Variants in TXNDC16 observed in about 807,000 individuals in gnomAD.
TXNDC16 encodes thioredoxin domain containing 16, also known as thioredoxin domain-containing protein 16.
In TXNDC16, 74 loss-of-function variants were observed where a neutral mutation model predicts 85.6. The observed-to-expected ratio is 0.86, with a 90% CI of 0.72 to 1.05. The LOEUF is 1.05. TXNDC16 is among the 50% of genes least tolerant of loss of function. The pLI is 0.00. For missense variants in TXNDC16, 959 were observed against 947.0 expected, an observed-to-expected ratio of 1.01 and a Z score of -0.17; for synonymous variants, 335 against 326.5, an observed-to-expected ratio of 1.03 and a Z score of -0.28.
intron 8 of TXNDC16, among the ~76,000 whole-genome samples, 169 bp downstream of exon 8, chr14:52,514,711 A>G (rs1594746011): frequency 6.6e-6 from 1 of 152,172 alleles, no homozygotes. Context: ...AATACAGCAG[A>G]CTATAGTAAT....
chr14:52,507,180 A>C (rs1566567321), intron 9 of TXNDC16, among the ~76,000 whole-genome samples: 1 of 152,088 alleles, frequency 6.6e-6, no homozygotes, highest in Admixed American at 6.6e-5. Context: ...GTCTCAGCCC[A>C]AAATCTCCTT....
At chr14:52,525,932 C>G (rs1235103014) in intron 6 of TXNDC16, among the ~76,000 whole-genome samples, 1 of 151,846 alleles carries the variant, frequency 6.6e-6, no homozygotes, top group African/African-American at 2.4e-5. Context: ...CTCTAAATCA[C>G]TTACTTATCA....
chr14:52,493,148 AAAG>A (rs1434431249), intron 9 of TXNDC16, among the ~76,000 whole-genome samples: 1 of 150,486 alleles, frequency 6.6e-6, no homozygotes, highest in Non-Finnish European at 1.5e-5. Context: ...AAAAATTTAA[AAAG>A]AAGATTAGAG....
intron 12 of TXNDC16, among the ~76,000 whole-genome samples, chr14:52,485,624 ACCT>A (rs1192154907): frequency 6.6e-6 from 1 of 151,942 alleles, no homozygotes; most frequent in East Asian, 1.9e-4. Flanking sequence ...TTTTTATTGT[ACCT>A]CTTCTGTGTT....
At position 52,440,658 on chromosome 14, in the gene TXNDC16, T is replaced by C. The variant is rs776805307; in HGVS notation, c.1909A>G (p.Ser637Gly). Residue 637 changes from serine (S) to glycine (G), a missense_variant, in exon 19 of 21, where the codon AGT becomes GGT. By Grantham distance (56) the Ser-to-Gly change is moderately conservative. Transcript: ENST00000281741. ...TACTGAGGATTTACAGTGCCATCAC[T>C]GAACAAAATCAATAATGGTTTCTGA... is the stretch of plus-strand genomic sequence containing the variant. ...RLQKPLLILF[S>G]DGTVNPQYKK... 6.2e-7 allele frequency: 1 copy of C among 1,610,912 alleles called. No homozygotes were observed. Among genetic ancestry groups the C allele is most frequent in the Non-Finnish European group, 8.5e-7 (1 of 1,179,154 alleles).
At chr14:52,528,723 G>A (rs1332963213) in intron 6 of TXNDC16, among the ~76,000 whole-genome samples, 1 of 149,656 alleles carries the variant, frequency 6.7e-6, no homozygotes, top group Non-Finnish European at 1.5e-5. Flanking sequence ...AATAATAGTT[G>A]TAACTAGTTC....
At chr14:52,519,115 T>G (rs2037150117) in intron 7 of TXNDC16, 57 bp downstream of exon 7, 1 of 1,524,250 alleles carries the variant, frequency 6.6e-7, no homozygotes, top group Non-Finnish European at 8.9e-7. Context: ...TTTTAAGTAC[T>G]TCAACATACA....
Position 52,491,020 on chromosome 14 carries a change from A to AC in TXNDC16, c.757-16_757-15insG. 6.4e-7 allele frequency: 1 copy of AC among 1,565,216 alleles called. No individual in the cohort carries two copies. Among genetic ancestry groups the AC allele is most frequent in the Admixed American group, 2.2e-5 (1 of 45,808 alleles). ...GCAACTTCAGTCTTCATTGAAAAAA[A>AC]AAAAAAAAAAAGGTGTGATAACAAT... On this transcript the variant is annotated splice_polypyrimidine_tract_variant and intron_variant, in intron 9 of 20. Transcript: ENST00000281741.
intron 16 of TXNDC16, among the ~76,000 whole-genome samples, chr14:52,462,612 T>C (rs868502716): frequency 6.6e-6 from 1 of 152,204 alleles, no homozygotes; most frequent in African/African-American, 2.4e-5. Flanking sequence ...TGTGGAAATA[T>C]AAGCCACTGT....
At chr14:52,457,195 C>T in intron 16 of TXNDC16, 21 bp from the exon 17 acceptor site, 1 of 1,414,906 alleles carries the variant, frequency 7.1e-7, no homozygotes. Flanking sequence ...ATAGAGAAGA[C>T]AAAAATCTGA....
chr14:52,441,884 CTG>C (rs1204648986), intron 18 of TXNDC16, among the ~76,000 whole-genome samples: 2 of 152,104 alleles, frequency 1.3e-5, no homozygotes, highest in East Asian at 3.8e-4. Flanking sequence ...GCAGTAATGA[CTG>C]TCTATCCTCT....
intron 20 of TXNDC16, among the ~76,000 whole-genome samples, chr14:52,434,885 G>A (rs181461148): frequency 9.8e-5 from 15 of 152,316 alleles, no homozygotes; most frequent in East Asian, 5.8e-4. Context: ...ATGGAAACCC[G>A]TAAAGAATGA....
Position 52,486,591 on chromosome 14 carries a change from A to T in TXNDC16, c.1108+1772T>A, listed in dbSNP as rs151227486. On this transcript the variant is annotated intron_variant, in intron 12 of 20. Transcript: ENST00000281741. ...ATTTTGCTGATTTTCTCTGGGGTGC[A>T]CCTGTCTCTGATTTACATTCTCAGA... is the stretch of plus-strand genomic sequence containing the variant. 2.7e-3 allele frequency among the ~76,000 whole-genome samples: 416 copies of T among 151,916 alleles called. 2 individuals are homozygous for T. Among genetic ancestry groups the T allele is most frequent in the African/African-American group, 9.5e-3 (392 of 41,412 alleles).
chr14:52,454,532 G>A (rs1352692474), intron 18 of TXNDC16, among the ~76,000 whole-genome samples: 12 of 150,978 alleles, frequency 7.9e-5, no homozygotes, highest in African/African-American at 1.7e-4. Context: ...GGCTGGGCAC[G>A]GTGGCTTATG....
chr14:52,529,922 A>T (rs1490263631), intron 6 of TXNDC16, among the ~76,000 whole-genome samples: 8 of 109,616 alleles, frequency 7.3e-5, no homozygotes, highest in African/African-American at 2.6e-4. Flanking sequence ...TATAATATAC[A>T]TTATATATAT....
At chr14:52,445,641 G>A (rs1235942425) in intron 18 of TXNDC16, among the ~76,000 whole-genome samples, 1 of 152,226 alleles carries the variant, frequency 6.6e-6, no homozygotes, top group Non-Finnish European at 1.5e-5. Flanking sequence ...TGGAGTACAT[G>A]TAAGATGGTG....
At chr14:52,494,455 GA>G (rs532207311) in intron 9 of TXNDC16, among the ~76,000 whole-genome samples, 19 of 152,278 alleles carry the variant, frequency 1.2e-4, no homozygotes, top group African/African-American at 4.1e-4. Context: ...CAAGAAAACA[GA>G]AACCTGGGTC....
chr14:52,475,371 GAAGA>G (rs1008459268), intron 14 of TXNDC16, among the ~76,000 whole-genome samples: 8 of 152,286 alleles, frequency 5.3e-5, no homozygotes, highest in African/African-American at 1.2e-4. Context: ...ACAGGCTGGG[GAAGA>G]AAGAAAGCCC....
At chr14:52,432,834 A>G (rs555945281) in intron 20 of TXNDC16, among the ~76,000 whole-genome samples, 1 of 152,206 alleles carries the variant, frequency 6.6e-6, no homozygotes, top group Non-Finnish European at 1.5e-5. Flanking sequence ...TAAAAAAAGT[A>G]TGAATAGGGG....
Sources: allele counts gnomAD v4.1 joint callset (sites outside exome capture counted in the v4.1 genomes callset), GRCh38; gene constraint gnomAD v4.1.1; transcripts MANE v1.5; gene names NCBI Gene and HGNC (gene_info 2026-07-23, HGNC 2026-07-21).